The following ZNF254 variants were observed in gnomAD, a reference collection of about 807,000 sequenced individuals.
The protein encoded by ZNF254 is zinc finger protein 254.
ZNF254 carries 10 observed loss-of-function variants against 12.4 expected under a neutral mutation model. That is an observed-to-expected ratio of 0.80 (90% CI 0.50 to 1.36). The LOEUF (loss-of-function observed/expected upper bound fraction) is 1.36, where lower values mean the gene tolerates loss of function less well. ZNF254 is among the 40% of genes most tolerant of loss of function. The pLI is 0.00. For synonymous variants in ZNF254, 305 were observed against 253.4 expected, an observed-to-expected ratio of 1.20 and a Z score of -1.93; for missense variants, 996 against 763.9, an observed-to-expected ratio of 1.30 and a Z score of -3.58.
At chr19:24,117,412 C>A (rs1408140328) in intron 3 of ZNF254, among the ~76,000 whole-genome samples, 1 of 152,168 alleles carries the variant, frequency 6.6e-6, no homozygotes, top group Non-Finnish European at 1.5e-5. Context: ...GTGCCCCTCC[C>A]CCAGCCTCGC....
At chr19:24,098,988 CTTTTTTTTTTTTTTTTTTTT>C (rs927108646) in intron 1 of ZNF254, 1 of 74,768 alleles carries the variant, frequency 1.3e-5, no homozygotes, top group Non-Finnish European at 2.4e-5. Flanking sequence ...AGGCTTCGCT[CTTTTTTTTTTTTTTTTTTTT>C]TTTTTTTTGA....
chr19:24,115,463 G>C (rs940970527), intron 3 of ZNF254, among the ~76,000 whole-genome samples: 1 of 150,120 alleles, frequency 6.7e-6, no homozygotes, highest in East Asian at 2.0e-4. Flanking sequence ...CTCATGGGGG[G>C]AATTGAACAA....
In ZNF254 at chr19:24,128,115, C is replaced by A; in HGVS notation, c.*135C>A. ...TAAAACTTTAAAGAAAATCATTCTGCTGAAAAATCCTAGAAATGTGAAGAA... is the reference window on the plus strand; with the variant it reads ...TAAAACTTTAAAGAAAATCATTCTGATGAAAAATCCTAGAAATGTGAAGAA... On this transcript the variant is annotated 3_prime_UTR_variant, in exon 4 of 4. Coordinates refer to ENST00000357002, the MANE Select transcript of ZNF254 (RefSeq NM_203282.4). 1 of 863,932 alleles carries A rather than the reference C, an allele frequency of 1.2e-6. No individual in the cohort carries two copies. The highest frequency in any genetic ancestry group is 1.6e-6 in the Non-Finnish European group (1 of 618,158). The allele number at this position is 863,932 out of a possible 1,614,324, so 53.5% of individuals were successfully genotyped here. A position where few individuals can be genotyped will look rare whatever the true frequency, so the allele number is the denominator to read the frequency against.
intron 1 of ZNF254, among the ~76,000 whole-genome samples, chr19:24,088,081 T>A (rs1486007902): frequency 1.3e-5 from 2 of 151,980 alleles, no homozygotes; most frequent in South Asian, 4.2e-4. Context: ...ACAATTTTTT[T>A]ATTTTTAGTA....
intron 3 of ZNF254, among the ~76,000 whole-genome samples, chr19:24,117,025 G>C (rs573317488): frequency 3.3e-5 from 5 of 152,118 alleles, no homozygotes; most frequent in African/African-American, 1.2e-4. Context: ...CGTGAACCGC[G>C]AATACTGCTG....
chr19:24,075,530 A>G (rs1042729993), intron 2 of ZNF254, among the ~76,000 whole-genome samples: 6 of 152,100 alleles, frequency 3.9e-5, no homozygotes, highest in Non-Finnish European at 8.8e-5. Flanking sequence ...AAGGGGAGGG[A>G]GTGTACGAAT....
At chr19:24,092,761 T>C (rs1466224850) in intron 1 of ZNF254, among the ~76,000 whole-genome samples, 3 of 152,228 alleles carry the variant, frequency 2.0e-5, no homozygotes, top group African/African-American at 7.2e-5. Flanking sequence ...AATAGTGCTG[T>C]AGTGAACACC....
intron 1 of ZNF254, among the ~76,000 whole-genome samples, chr19:24,100,519 C>T (rs930508655): frequency 2.0e-5 from 3 of 152,084 alleles, no homozygotes; most frequent in African/African-American, 7.2e-5. Flanking sequence ...GTATTCATCT[C>T]TTGACATTGT....
intron 1 of ZNF254, among the ~76,000 whole-genome samples, chr19:24,039,253 G>C (rs1338461464): frequency 6.6e-6 from 1 of 152,214 alleles, no homozygotes; most frequent in Admixed American, 6.5e-5. Flanking sequence ...GAGATTGTGT[G>C]AGGAGCTCCT....
At chr19:24,040,643 C>A (rs1339992150) in intron 1 of ZNF254, among the ~76,000 whole-genome samples, 1 of 152,162 alleles carries the variant, frequency 6.6e-6, no homozygotes, top group African/African-American at 2.4e-5. Flanking sequence ...TGAGGCTTAA[C>A]CGACACAATG....
chr19:24,092,765 G>GA (rs1400930721), intron 1 of ZNF254, among the ~76,000 whole-genome samples: 3 of 152,228 alleles, frequency 2.0e-5, no homozygotes, highest in African/African-American at 7.2e-5. Context: ...GTGCTGTAGT[G>GA]AACACCCTTG....
At chr19:24,111,839 C>T (rs1208852811) in intron 3 of ZNF254, among the ~76,000 whole-genome samples, 628 of 148,252 alleles carry the variant, frequency 4.2e-3, no homozygotes, top group Non-Finnish European at 6.8e-3. Context: ...ATTGTAGATT[C>T]TGGATATTAG....
chr19:24,046,373 T>TATATATATGTATATATATATATA (rs1555750839), intron 2 of ZNF254: 1 of 95,508 alleles, frequency 1.0e-5, no homozygotes, highest in African/African-American at 4.3e-5. Flanking sequence ...TTATTATTTT[T>TATATATATGTATATATATATATA]TATATATATA....
chr19:24,117,802 C>G (rs950722837), intron 3 of ZNF254, among the ~76,000 whole-genome samples: 1 of 152,034 alleles, frequency 6.6e-6, no homozygotes, highest in Non-Finnish European at 1.5e-5. Flanking sequence ...ACGCTGGGAG[C>G]TGTAGACCGG....
intron 1 of ZNF254, among the ~76,000 whole-genome samples, chr19:24,100,052 T>C (rs549716861): frequency 6.6e-6 from 1 of 152,270 alleles, no homozygotes; most frequent in South Asian, 2.1e-4. Flanking sequence ...GCAGGCAGAA[T>C]TGTGTCTCTG....
intron 2 of ZNF254, among the ~76,000 whole-genome samples, chr19:24,081,479 TA>T (rs1415059178): frequency 6.6e-6 from 1 of 152,146 alleles, no homozygotes; most frequent in South Asian, 2.1e-4. Context: ...TGCTAATCAA[TA>T]AAAAATAGTT....
At chr19:24,106,254 C>A in intron 2 of ZNF254, 188 bp downstream of exon 2, 1 of 766,624 alleles carries the variant, frequency 1.3e-6, no homozygotes, top group Non-Finnish European at 1.9e-6. Context: ...CTGAGCTAAT[C>A]TGTGTCCTGC....
intron 2 of ZNF254, among the ~76,000 whole-genome samples, chr19:24,056,245 A>C (rs1268448891): frequency 6.6e-6 from 1 of 152,182 alleles, no homozygotes; most frequent in Admixed American, 6.5e-5. Context: ...CCCCGACCAC[A>C]TAAGCAATTG....
intron 3 of ZNF254, among the ~76,000 whole-genome samples, chr19:24,122,770 CCTTG>C (rs1459973346): frequency 1.3e-5 from 2 of 152,030 alleles, no homozygotes; most frequent in Non-Finnish European, 2.9e-5. Flanking sequence ...AAGAAATCTG[CCTTG>C]CTTTTACCTA....
Sources: allele counts gnomAD v4.1 joint callset (sites outside exome capture counted in the v4.1 genomes callset), GRCh38; gene constraint gnomAD v4.1.1; transcripts MANE v1.5; gene names NCBI Gene and HGNC (gene_info 2026-07-23, HGNC 2026-07-21).